Variants in CNGB1 observed in about 807,000 individuals in gnomAD.
CNGB1 encodes cyclic nucleotide-gated channel beta-1.
In CNGB1, 126 loss-of-function variants were observed where a neutral mutation model predicts 151.7. The observed-to-expected ratio is 0.83, with a 90% CI of 0.72 to 0.96. The LOEUF (loss-of-function observed/expected upper bound fraction) is 0.96, where lower values mean the gene tolerates loss of function less well. Among genes scored for constraint, CNGB1 ranks in the 40% least tolerant of loss-of-function variants. The pLI is 0.00. For synonymous variants in CNGB1, 623 were observed against 635.1 expected, an observed-to-expected ratio of 0.98 and a Z score of 0.29; for missense variants, 1,698 against 1,627.0, an observed-to-expected ratio of 1.04 and a Z score of -0.75.
intron 14 of CNGB1, among the ~76,000 whole-genome samples, chr16:57,941,194 G>T (rs1961658849): frequency 6.6e-6 from 1 of 152,144 alleles, no homozygotes; most frequent in Non-Finnish European, 1.5e-5. Flanking sequence ...GCGACCTCTG[G>T]GTTAAAATGA....
At chr16:57,923,678 C>T (rs1352741156) in intron 17 of CNGB1, among the ~76,000 whole-genome samples, 1 of 152,188 alleles carries the variant, frequency 6.6e-6, no homozygotes, top group Non-Finnish European at 1.5e-5. Context: ...CAGCAAATTA[C>T]CAAAACATGC....
At chr16:57,910,673 C>CTTTTT (rs56363726) in intron 25 of CNGB1, among the ~76,000 whole-genome samples, 4 of 104,310 alleles carry the variant, frequency 3.8e-5, no homozygotes, top group East Asian at 3.5e-4. Context: ...CAAGCCCGGC[C>CTTTTT]TTTTTTTTTT....
Position 57,958,625 on chromosome 16 carries a change from C to A in CNGB1, c.762-140G>T, listed in dbSNP as rs1457402371. 6 of 699,754 alleles carry A rather than the reference C, an allele frequency of 8.6e-6. No individual in the cohort carries two copies. In the East Asian group the frequency reaches 1.6e-4, roughly 19 times the overall value. 43.3% of individuals were successfully genotyped at this position (699,754 alleles called of 1,614,324 possible). A position where few individuals can be genotyped will look rare whatever the true frequency, so the allele number is the denominator to read the frequency against. ...CAGGAGCCAGAGCCCAGGTCTCCAG[C>A]CCTGAAGACCATTCTCCCCCCTCTC... On this transcript the variant is annotated intron_variant, in intron 10 of 32. Coordinates refer to ENST00000251102, the MANE Select transcript of CNGB1 (RefSeq NM_001297.5).
At position 57,904,260 on chromosome 16, in the gene CNGB1, C is replaced by A. The variant is rs1960475942; in HGVS notation, c.2635-279G>T. Among the ~76,000 whole-genome samples the A allele has an allele frequency of 2.0e-5, 3 of 152,174 alleles. No individual in the cohort carries two copies. The South Asian group carries it at 6.2e-4, about 32-fold the overall frequency. On this transcript the variant is annotated intron_variant, in intron 26 of 32. Transcript: ENST00000251102. ...ACACCATGGGGGAAAGCTCCTTGGG[C>A]TGGGCTGATTCTGGTACAATACAGT... is the stretch of plus-strand genomic sequence containing the variant.
intron 17 of CNGB1, among the ~76,000 whole-genome samples, chr16:57,927,503 T>C (rs897329001): frequency 6.6e-6 from 1 of 152,240 alleles, no homozygotes; most frequent in East Asian, 1.9e-4. Flanking sequence ...TACTTGTTCA[T>C]TGTCTATCTT....
chr16:57,909,946 T>C (rs1960663298), intron 25 of CNGB1, among the ~76,000 whole-genome samples: 1 of 152,256 alleles, frequency 6.6e-6, no homozygotes, highest in Non-Finnish European at 1.5e-5. Flanking sequence ...GTGATGGTTG[T>C]GAATTACTGT....
chr16:57,885,956 A>G (rs138413469), intron 32 of CNGB1, among the ~76,000 whole-genome samples: 4 of 152,270 alleles, frequency 2.6e-5, no homozygotes, highest in African/African-American at 9.6e-5. Flanking sequence ...GCATCGTGGA[A>G]CTTCCTGAAG....
At position 57,897,503 on chromosome 16, in the gene CNGB1, C is replaced by T. The variant is rs780388472; in HGVS notation, c.3136G>A (p.Val1046Met). 5.6e-6 allele frequency: 9 copies of T among 1,614,126 alleles called. No individual in the cohort carries two copies. The highest frequency in any genetic ancestry group is 1.1e-5 in the South Asian group (1 of 91,080). The change falls in exon 31 of 33, where the codon GTG becomes ATG. Residue 1046 changes from valine (V) to methionine (M), a missense_variant. Coordinates refer to ENST00000251102, the MANE Select transcript of CNGB1 (RefSeq NM_001297.5). ...VGGGNRRTAN[V>M]VAHGFTNLFI... Reference sequence around the variant, plus strand: ...AGGTTGGTAAACCCGTGCGCCACCACGTTGGCCGTGCGCCGGTTCCCGCCC... The same window carrying T: ...AGGTTGGTAAACCCGTGCGCCACCATGTTGGCCGTGCGCCGGTTCCCGCCC...
chr16:57,893,508 C>T, intron 31 of CNGB1, among the ~76,000 whole-genome samples: 1 of 152,066 alleles, frequency 6.6e-6, no homozygotes, highest in East Asian at 1.9e-4. Context: ...TTAATTTTCA[C>T]AGCAGCAGGC....
intron 17 of CNGB1, among the ~76,000 whole-genome samples, chr16:57,930,051 T>G (rs1393141455): frequency 2.0e-5 from 3 of 152,208 alleles, no homozygotes; most frequent in East Asian, 3.9e-4. Context: ...TAAATAGGAC[T>G]GCCATATGAT....
chr16:57,917,203 G>A (rs1262067944), intron 21 of CNGB1, 65 bp downstream of exon 21: 24 of 1,361,378 alleles, frequency 1.8e-5, no homozygotes, highest in Non-Finnish European at 2.1e-5. Context: ...AGGGGTCAGT[G>A]CCCTGGAGGC....
chr16:57,924,133 G>A (rs549960505), intron 17 of CNGB1, among the ~76,000 whole-genome samples: 1 of 152,104 alleles, frequency 6.6e-6, no homozygotes, highest in South Asian at 2.1e-4. Flanking sequence ...TTGGAGCCTG[G>A]GTGTCTGACT....
chr16:57,911,053 C>G (rs1200820790), intron 25 of CNGB1, among the ~76,000 whole-genome samples: 1 of 152,208 alleles, frequency 6.6e-6, no homozygotes, highest in Non-Finnish European at 1.5e-5. Flanking sequence ...TCGCCAGCAC[C>G]TCCATGGTAG....
intron 11 of CNGB1, 54 bp from the exon 12 acceptor site, chr16:57,957,431 C>G: frequency 1.3e-6 from 2 of 1,539,028 alleles, no homozygotes; most frequent in Non-Finnish European, 1.8e-6. Flanking sequence ...TCACCAGCCT[C>G]CCCGTTTCAG....
chr16:57,955,524 A>G (rs1189029010), intron 12 of CNGB1, among the ~76,000 whole-genome samples: 1 of 152,120 alleles, frequency 6.6e-6, no homozygotes, highest in African/African-American at 2.4e-5. Context: ...ACGTGAGTGG[A>G]ATGGTGTCTC....
chr16:57,929,484 A>AG (rs1309586407), intron 17 of CNGB1, among the ~76,000 whole-genome samples: 32 of 151,752 alleles, frequency 2.1e-4, no homozygotes, highest in African/African-American at 7.3e-4. Flanking sequence ...AGGGAGAGAG[A>AG]GAGAGACTTT....
At chr16:57,934,475 T>C (rs942764194) in intron 16 of CNGB1, among the ~76,000 whole-genome samples, 20 of 152,280 alleles carry the variant, frequency 1.3e-4, no homozygotes, top group African/African-American at 4.6e-4. Flanking sequence ...AGTAATGTTC[T>C]TACTACAGCT....
chr16:57,917,496 G>A lies in CNGB1; in HGVS notation c.1958-20C>T, dbSNP rs749689764. 1.2e-6 allele frequency: 2 copies of A among 1,611,748 alleles called. No homozygotes were observed. The highest frequency in any genetic ancestry group is 2.2e-5 in the South Asian group (2 of 91,000). On this transcript the variant is annotated intron_variant, in intron 20 of 32. Transcript: ENST00000251102. Reference sequence around the variant, plus strand: ...TCAGGTCTGTGGGGAAGGTTGACGGGGACGCTAGAGCATCAGCCAGGCAAG... The same window carrying A: ...TCAGGTCTGTGGGGAAGGTTGACGGAGACGCTAGAGCATCAGCCAGGCAAG...
At chr16:57,911,167 C>T (rs1411802730) in intron 25 of CNGB1, among the ~76,000 whole-genome samples, 1 of 152,142 alleles carries the variant, frequency 6.6e-6, no homozygotes, top group Non-Finnish European at 1.5e-5. Context: ...TATTTGCACA[C>T]CCTAATAGAG....
Sources: gnomAD v4.1 joint callset for allele counts (sites outside exome capture counted in the v4.1 genomes callset) on GRCh38, gnomAD v4.1.1 for gene constraint, MANE v1.5 for transcripts, NCBI Gene and HGNC (gene_info 2026-07-23, HGNC 2026-07-21) for gene names.